NEGR1: variants seen among roughly 807,000 people sequenced by gnomAD.
The protein encoded by NEGR1 is neuronal growth regulator 1, also known as IgLON family member 4.
Under a neutral mutation model 40.9 loss-of-function variants are expected in NEGR1, and 10 were observed. The ratio of observed to expected loss-of-function variants is 0.24; its 90% CI spans 0.15 to 0.42. The LOEUF is 0.42. NEGR1 is among the 10% of genes least tolerant of loss of function. The probability of loss-of-function intolerance (pLI) is 1.00; values close to 1 mark genes in which losing one functional copy is unlikely to be tolerated. For missense variants in NEGR1, 352 were observed against 438.9 expected, an observed-to-expected ratio of 0.80 and a Z score of 1.77; for synonymous variants, 185 against 166.8, an observed-to-expected ratio of 1.11 and a Z score of -0.84.
At chr1:72,158,659 CAG>C (rs1651447339) in intron 1 of NEGR1, among the ~76,000 whole-genome samples, 1 of 152,166 alleles carries the variant, frequency 6.6e-6, no homozygotes, top group Non-Finnish European at 1.5e-5. Flanking sequence ...AGAACTGGCA[CAG>C]AGTTATCTAT....
intron 2 of NEGR1, among the ~76,000 whole-genome samples, chr1:71,850,346 G>C (rs577053844): frequency 6.6e-6 from 1 of 151,852 alleles, no homozygotes; most frequent in Non-Finnish European, 1.5e-5. Context: ...GTTAGAGATG[G>C]TGTTTTGCTA....
rs985348318 is a variant in NEGR1, at chr1:71,803,326, G to C, written c.410-27029C>G. On this transcript the variant is annotated intron_variant, in intron 2 of 6. Transcript: ENST00000357731. The stretch of plus-strand genomic sequence containing the variant: ...ATACCACCAGAAACCATCCCTAATA[G>C]CATCTTGATCATGAAGTCCTATAAA... Among the ~76,000 whole-genome samples, 19 of 152,050 alleles carry C rather than the reference G, an allele frequency of 1.2e-4. 1 individual carries two copies. The highest frequency in any genetic ancestry group is 4.3e-4 in the African/African-American group (18 of 41,406).
At chr1:71,521,807 T>C (rs1647159120) in intron 6 of NEGR1, among the ~76,000 whole-genome samples, 1 of 151,972 alleles carries the variant, frequency 6.6e-6, no homozygotes, top group African/African-American at 2.4e-5. Context: ...AATCAGTCTA[T>C]GGAAACAACA....
At chr1:72,235,595 A>G (rs1197957100) in intron 1 of NEGR1, among the ~76,000 whole-genome samples, 1 of 152,040 alleles carries the variant, frequency 6.6e-6, no homozygotes, top group Non-Finnish European at 1.5e-5. Flanking sequence ...TAAAATCTGG[A>G]AGGAGGAAAC....
intron 1 of NEGR1, among the ~76,000 whole-genome samples, chr1:71,947,140 A>G (rs1570541173): frequency 1.3e-5 from 2 of 148,722 alleles, no homozygotes; most frequent in East Asian, 2.0e-4. Context: ...ACGTATATGT[A>G]TATATATATG....
In NEGR1 at chr1:72,051,187, A is replaced by G. The variant is rs1414975167; in HGVS notation, c.177-115876T>C. On this transcript the variant is annotated intron_variant, in intron 1 of 6. Transcript: ENST00000357731. ...TTCAGAGACATATAATTAGTGTGTA[A>G]TGCACACCAAGATTATGCTGAAAGG... Among the ~76,000 whole-genome samples the G allele has an allele frequency of 4.6e-5, 7 of 151,468 alleles. No homozygotes were observed. The East Asian group carries it at 1.2e-3, about 25-fold the overall frequency.
chr1:72,080,023 G>A (rs1469802500), intron 1 of NEGR1, among the ~76,000 whole-genome samples: 2 of 152,148 alleles, frequency 1.3e-5, no homozygotes, highest in East Asian at 1.9e-4. Context: ...TAGCTCATTT[G>A]AGTCAATAAC....
intron 1 of NEGR1, among the ~76,000 whole-genome samples, chr1:71,999,662 T>C (rs371979385): frequency 2.8e-4 from 13 of 46,464 alleles, no homozygotes; most frequent in East Asian, 4.4e-3. Flanking sequence ...TATATATATA[T>C]ATATATATAT....
chr1:71,698,160 T>C, intron 3 of NEGR1, 21 bp from the exon 4 acceptor site: 1 of 1,605,570 alleles, frequency 6.2e-7, no homozygotes, highest in Non-Finnish European at 8.5e-7. Flanking sequence ...GAATACAGCA[T>C]GTTTAATTGT....
chr1:71,612,232 A>C (rs959875619), intron 4 of NEGR1, among the ~76,000 whole-genome samples: 1 of 152,226 alleles, frequency 6.6e-6, no homozygotes, highest in Non-Finnish European at 1.5e-5. Flanking sequence ...AAAACAAAAC[A>C]AAACAAAAAA....
At chr1:71,501,236 CTT>C (rs1646997078) in intron 6 of NEGR1, among the ~76,000 whole-genome samples, 1 of 152,006 alleles carries the variant, frequency 6.6e-6, no homozygotes, top group African/African-American at 2.4e-5. Flanking sequence ...TTTTTAATAA[CTT>C]GGCATATATA....
intron 4 of NEGR1, among the ~76,000 whole-genome samples, chr1:71,632,402 C>T (rs1235749088): frequency 1.3e-5 from 2 of 151,298 alleles, no homozygotes; most frequent in Admixed American, 1.3e-4. Context: ...ACTCAAATTC[C>T]TAGCTCACCT....
At chr1:71,949,949 C>G (rs533523137) in intron 1 of NEGR1, among the ~76,000 whole-genome samples, 1 of 151,766 alleles carries the variant, frequency 6.6e-6, no homozygotes, top group East Asian at 1.9e-4. Flanking sequence ...AAGAAAAACT[C>G]AAGAGGCCAG....
At chr1:71,947,225 G>A (rs1176139271) in intron 1 of NEGR1, among the ~76,000 whole-genome samples, 7 of 150,064 alleles carry the variant, frequency 4.7e-5, no homozygotes, top group Non-Finnish European at 1.0e-4. Context: ...TAATAGAGGT[G>A]TTAATGAATT....
chr1:71,814,621 C>T (rs956239144), intron 2 of NEGR1, among the ~76,000 whole-genome samples: 5 of 152,058 alleles, frequency 3.3e-5, no homozygotes, highest in Non-Finnish European at 5.9e-5. Flanking sequence ...GATTCAATTT[C>T]TTTCTGGTTC....
At chr1:71,923,569 A>G (rs1645740455) in intron 2 of NEGR1, among the ~76,000 whole-genome samples, 1 of 152,234 alleles carries the variant, frequency 6.6e-6, no homozygotes, top group South Asian at 2.1e-4. Flanking sequence ...GGCTTAAAAC[A>G]ACACAAGTGT....
intron 1 of NEGR1, among the ~76,000 whole-genome samples, chr1:72,249,978 T>C (rs920413008): frequency 2.0e-5 from 3 of 152,232 alleles, no homozygotes; most frequent in African/African-American, 7.2e-5. Flanking sequence ...ATGGCTAGTT[T>C]TATGTTTTAA....
intron 1 of NEGR1, among the ~76,000 whole-genome samples, chr1:72,246,373 A>G (rs969474166): frequency 2.0e-5 from 3 of 152,142 alleles, no homozygotes; most frequent in Non-Finnish European, 2.9e-5. Flanking sequence ...TCCTCTATGC[A>G]CTGTGCTCTA....
At chr1:71,674,730 GTTCT>G (rs1318396372) in intron 4 of NEGR1, among the ~76,000 whole-genome samples, 1 of 151,552 alleles carries the variant, frequency 6.6e-6, no homozygotes, top group Non-Finnish European at 1.5e-5. Flanking sequence ...AATGAACAAT[GTTCT>G]TTCTATCACA....
Sources: allele counts gnomAD v4.1 joint callset (sites outside exome capture counted in the v4.1 genomes callset), GRCh38; gene constraint gnomAD v4.1.1; transcripts MANE v1.5; gene names NCBI Gene and HGNC (gene_info 2026-07-23, HGNC 2026-07-21).